The following GLS variants were observed in gnomAD, a reference collection of about 807,000 sequenced individuals.
The protein encoded by GLS is glutaminase.
A neutral mutation model predicts 86.7 loss-of-function variants in GLS; 36 were observed. The observed-to-expected ratio is 0.42, with a 90% confidence interval of 0.32 to 0.55. The LOEUF (loss-of-function observed/expected upper bound fraction) is 0.55. GLS is among the 20% of genes least tolerant of loss of function. GLS has a pLI of 0.17. For synonymous variants in GLS, 317 were observed against 305.9 expected, an observed-to-expected ratio of 1.04 and a Z score of -0.38; for missense variants, 528 against 833.4, an observed-to-expected ratio of 0.63 and a Z score of 4.51.
chr2:190,931,653 A>C lies in GLS; in HGVS notation c.1650+16A>C. ...TGATCAAAGGGTAAGCAAAATTCTTATTTAGATAAGTATATAAAATTTTTA... is the reference window on the plus strand; with the variant it reads ...TGATCAAAGGGTAAGCAAAATTCTTCTTTAGATAAGTATATAAAATTTTTA... On this transcript the variant is annotated intron_variant, in intron 14 of 17. Transcript: ENST00000320717. 1 of 1,237,314 alleles carries C rather than the reference A, an allele frequency of 8.1e-7. No homozygotes were observed. Among genetic ancestry groups the C allele is most frequent in the Non-Finnish European group, 1.2e-6 (1 of 853,498 alleles). 76.6% of individuals were successfully genotyped at this position (1,237,314 alleles called of 1,614,324 possible).
At chr2:190,915,395 G>A (rs542112331) in intron 7 of GLS, among the ~76,000 whole-genome samples, 2 of 152,218 alleles carry the variant, frequency 1.3e-5, no homozygotes, top group African/African-American at 4.8e-5. Flanking sequence ...GAGTGGATTA[G>A]AAATTTTGAT....
At chr2:190,950,673 C>T (rs982398297) in intron 14 of GLS, among the ~76,000 whole-genome samples, 3 of 152,200 alleles carry the variant, frequency 2.0e-5, no homozygotes, top group East Asian at 3.9e-4. Context: ...GTGGGAAGAG[C>T]GTGGGCTGGT....
intron 1 of GLS, among the ~76,000 whole-genome samples, chr2:190,894,421 A>C (rs1344970521): frequency 2.0e-5 from 3 of 152,166 alleles, no homozygotes; most frequent in Admixed American, 1.3e-4. Flanking sequence ...TGACTAGGAT[A>C]TGTAAACCTA....
intron 17 of GLS, among the ~76,000 whole-genome samples, chr2:190,959,562 C>G (rs1343270979): frequency 6.6e-6 from 1 of 151,828 alleles, no homozygotes; most frequent in Admixed American, 6.6e-5. Flanking sequence ...CTGGTTACCC[C>G]TCGTGGAGTT....
rs150521635 is a variant in GLS, at chr2:190,918,723, A to C, written c.1039-2301A>C. Among the ~76,000 whole-genome samples the C allele has an allele frequency of 1.3e-5, 2 of 152,312 alleles. 1 individual carries two copies. The highest frequency in any genetic ancestry group is 2.9e-5 in the Non-Finnish European group (2 of 68,006). ...TCAACATGCCTTTCTTACTAAGCTT[A>C]ATAATCATTCTAGCTTTTTAAAAGT... On this transcript the variant is annotated intron_variant, in intron 7 of 17. Transcript: ENST00000320717.
At position 190,913,206 on chromosome 2, in the gene GLS, C is replaced by T; in HGVS notation, c.1038+2885C>T. On this transcript the variant is annotated intron_variant, in intron 7 of 17. Transcript: ENST00000320717. This position sits in a 1 kb window ranked among gnomAD's most constrained non-coding sequence, Gnocchi z 6.1. ...TTTTCCTTGTAGGATTGGTGGTGAT[C>T]CTCAGGAAATGGGGGAAGAGGCAGA... 7.7e-7 allele frequency: 1 copy of T among 1,298,718 alleles called. No homozygotes were observed. The highest frequency in any genetic ancestry group is 1.0e-6 in the Non-Finnish European group (1 of 984,214). 80.4% of individuals were successfully genotyped at this position (1,298,718 alleles called of 1,614,324 possible).
At chr2:190,885,417 T>G (rs1247340828) in intron 1 of GLS, among the ~76,000 whole-genome samples, 1 of 152,214 alleles carries the variant, frequency 6.6e-6, no homozygotes, top group Non-Finnish European at 1.5e-5. Context: ...CTTGAACTCC[T>G]GACCTCAGAT....
chr2:190,924,078 C>T lies in GLS; in HGVS notation c.1197+95C>T, dbSNP rs1689826495. ...GAATTCAACAATAGCCTTTAAGCAACTACCTATTACTATTTAAGGTGCAGA... is the reference window on the plus strand; with the variant it reads ...GAATTCAACAATAGCCTTTAAGCAATTACCTATTACTATTTAAGGTGCAGA... On this transcript the variant is annotated intron_variant, in intron 10 of 17. Transcript: ENST00000320717. This position sits in a 1 kb window ranked among gnomAD's most constrained non-coding sequence, Gnocchi z 5.2. 1 of 683,300 alleles carries T rather than the reference C, an allele frequency of 1.5e-6. No homozygotes were observed. The highest frequency in any genetic ancestry group is 1.8e-5 in the African/African-American group (1 of 54,200). 42.3% of individuals were successfully genotyped at this position (683,300 alleles called of 1,614,324 possible).
intron 1 of GLS, 101 bp downstream of exon 1, chr2:190,881,571 A>G (rs778249767): frequency 2.1e-5 from 24 of 1,129,614 alleles, no homozygotes; most frequent in African/African-American, 6.6e-5. Context: ...CCGAGGGTCT[A>G]GAAAAGAGAA....
At chr2:190,942,071 T>TA (rs1484201040) in intron 14 of GLS, among the ~76,000 whole-genome samples, 1 of 73,506 alleles carries the variant, frequency 1.4e-5, no homozygotes, top group South Asian at 5.1e-4. Flanking sequence ...TGAAGACTTT[T>TA]TTTTTTTTTT....
chr2:190,940,553 G>A (rs1156676813), intron 14 of GLS, among the ~76,000 whole-genome samples: 38 of 151,976 alleles, frequency 2.5e-4, no homozygotes, highest in Non-Finnish European at 1.0e-4. Flanking sequence ...CCCACTTTAA[G>A]TTGCTCTGCT....
chr2:190,916,554 C>A (rs977928585), intron 7 of GLS, among the ~76,000 whole-genome samples: 2 of 152,026 alleles, frequency 1.3e-5, no homozygotes, highest in African/African-American at 4.8e-5. Context: ...TACATGGAGT[C>A]GTTCCAAGAG....
chr2:190,921,264 C>A lies in GLS; in HGVS notation c.1130+61C>A. 1 of 1,071,060 alleles carries A rather than the reference C, an allele frequency of 9.3e-7. No individual in the cohort carries two copies. The highest frequency in any genetic ancestry group is 1.3e-5 in the South Asian group (1 of 78,102). 66.3% of individuals were successfully genotyped at this position (1,071,060 alleles called of 1,614,324 possible). On this transcript the variant is annotated intron_variant, in intron 9 of 17. Coordinates refer to ENST00000320717, the MANE Select transcript of GLS (RefSeq NM_014905.5). The surrounding 1 kb of genome is among the most constrained non-coding windows in gnomAD (Gnocchi z 4.2). The stretch of plus-strand genomic sequence containing the variant: ...CACACAACTGTATTTAGAATTGATC[C>A]ACTCTCTTTTCATTGGAGGGAAATG...
chr2:190,932,717 A>G, intron 14 of GLS: 1 of 1,586,222 alleles, frequency 6.3e-7, no homozygotes, highest in Non-Finnish European at 8.6e-7. Flanking sequence ...AACAACTAGC[A>G]TTCCTTTGGA....
rs759718815 is a variant in GLS at position 190,881,131 on chromosome 2, G to C, written c.47G>C (p.Arg16Pro). 11 of 1,558,364 alleles carry C rather than the reference G, an allele frequency of 7.1e-6. No homozygotes were observed. The highest frequency in any genetic ancestry group is 1.8e-5 in the Admixed American group (1 of 54,240). ...GSGMLRDLLL[R>P]SPAGVSATLR... is the part of the protein sequence containing the mutation. ...GGGATGCTGCGGGACCTGCTCCTGC[G>C]GTCGCCCGCCGGCGTGAGCGCGACT... The change falls in exon 1 of 18, where the codon CGG becomes CCG. Residue 16 changes from arginine to proline, a missense_variant. Physicochemically the swap from Arg to Pro is moderately radical, Grantham distance 103. Around this residue, in one of 4 missense-constraint regions of GLS, gnomAD observed 224 missense variants for 187.9 expected, o/e 1.19. Coordinates refer to ENST00000320717, the MANE Select transcript of GLS (RefSeq NM_014905.5).
chr2:190,914,996 A>T lies in GLS; in HGVS notation c.1038+4675A>T, dbSNP rs1689478967. 6.6e-6 allele frequency among the ~76,000 whole-genome samples: 1 copy of T among 152,166 alleles called. No individual in the cohort carries two copies. The highest frequency in any genetic ancestry group is 6.5e-5 in the Admixed American group (1 of 15,280). On this transcript the variant is annotated intron_variant, in intron 7 of 17. Transcript: ENST00000320717. The surrounding 1 kb of genome is among the most constrained non-coding windows in gnomAD (Gnocchi z 4.4). ...ATGTAAATTCTGTAACTTGACAGGCATATTTACAGAAAAATTTTATAATTT... is the reference window on the plus strand; with the variant it reads ...ATGTAAATTCTGTAACTTGACAGGCTTATTTACAGAAAAATTTTATAATTT...
chr2:190,888,017 T>C (rs1386208904), intron 1 of GLS, among the ~76,000 whole-genome samples: 2 of 152,230 alleles, frequency 1.3e-5, no homozygotes, highest in Non-Finnish European at 2.9e-5. Flanking sequence ...TTGTGGTTTA[T>C]GAGAACGAGC....
chr2:190,905,284 A>G lies in GLS; in HGVS notation c.979+117A>G. 1.5e-6 allele frequency: 1 copy of G among 650,928 alleles called. No individual in the cohort carries two copies. Among genetic ancestry groups the G allele is most frequent in the Non-Finnish European group, 2.6e-6 (1 of 385,098 alleles). 40.3% of individuals were successfully genotyped at this position (650,928 alleles called of 1,614,324 possible). A position where few individuals can be genotyped will look rare whatever the true frequency, so the allele number is the denominator to read the frequency against. ...AAAGTATTTGTCATGTGATTTCTAT[A>G]TAATCCATTGAGAGAGTTTCATCAC... On this transcript the variant is annotated intron_variant, in intron 6 of 17. Coordinates refer to ENST00000320717, the MANE Select transcript of GLS (RefSeq NM_014905.5). The surrounding 1 kb of genome is among the most constrained non-coding windows in gnomAD (Gnocchi z 4.6).
In GLS at chr2:190,895,832, A is replaced by G. The variant is rs932187047; in HGVS notation, c.605+107A>G. 1.3e-6 allele frequency: 1 copy of G among 756,992 alleles called. No individual in the cohort carries two copies. Among genetic ancestry groups the G allele is most frequent in the Middle Eastern group, 2.5e-4 (1 of 3,942 alleles). The allele number at this position is 756,992 out of a possible 1,614,324, so 46.9% of individuals were successfully genotyped here. A position where few individuals can be genotyped will look rare whatever the true frequency, so the allele number is the denominator to read the frequency against. On this transcript the variant is annotated intron_variant, in intron 3 of 17. Coordinates refer to ENST00000320717, the MANE Select transcript of GLS (RefSeq NM_014905.5). The surrounding 1 kb of genome is among the most constrained non-coding windows in gnomAD (Gnocchi z 4.2). ...AAGGCCACTGCTTCCTGTGTAATGG[A>G]AAAAGGGGATTTATAAACATCATTT...
Sources: gnomAD v4.1 joint callset for allele counts (sites outside exome capture counted in the v4.1 genomes callset) on GRCh38, gnomAD v4.1.1 for gene constraint, gnomAD v4.1.1 regional missense constraint, Gnocchi (gnomAD v3.1) non-coding constraint, MANE v1.5 for transcripts, NCBI Gene and HGNC (gene_info 2026-07-23, HGNC 2026-07-21) for gene names.